Variants in MARCHF1 observed in about 807,000 individuals in gnomAD.
MARCHF1 encodes the protein E3 ubiquitin-protein ligase MARCHF1.
In MARCHF1, 40 loss-of-function variants were observed where a neutral mutation model predicts 54.2. The ratio of observed to expected loss-of-function variants is 0.74; its 90% CI spans 0.57 to 0.96. The LOEUF (loss-of-function observed/expected upper bound fraction) is 0.96. MARCHF1 is among the 40% of genes least tolerant of loss of function. The pLI, the probability that MARCHF1 is intolerant of heterozygous loss-of-function variation, is 0.00. For synonymous variants in MARCHF1, 236 were observed against 236.3 expected (o/e 1.00, Z 0.01); for missense variants, 586 against 656.5 (o/e 0.89, Z 1.17).
chr4:164,379,250 T>G (rs998869049), intron 1 of MARCHF1, among the ~76,000 whole-genome samples: 5 of 152,066 alleles, frequency 3.3e-5, no homozygotes, highest in African/African-American at 1.2e-4. Context: ...AACCTGTGGA[T>G]GAGCAGTATA....
chr4:163,808,661 T>G (rs1223751826), intron 4 of MARCHF1, among the ~76,000 whole-genome samples: 2 of 152,010 alleles, frequency 1.3e-5, no homozygotes, highest in East Asian at 3.9e-4. Context: ...CTCCACCTCC[T>G]GGGTTCAAGC....
chr4:163,794,932 C>T (rs2110951615), intron 4 of MARCHF1, among the ~76,000 whole-genome samples: 1 of 152,260 alleles, frequency 6.6e-6, no homozygotes, highest in South Asian at 2.1e-4. Context: ...ATTAAATCAG[C>T]ACTTGGAATC....
chr4:163,584,048 A>G (rs1740325205), intron 8 of MARCHF1: 1 of 151,124 alleles, frequency 6.6e-6, no homozygotes, highest in Admixed American at 6.6e-5. Context: ...AGATTTCCTA[A>G]GAGAGTTGTA....
intron 2 of MARCHF1, among the ~76,000 whole-genome samples, chr4:164,077,056 G>C (rs1184705661): frequency 6.6e-6 from 1 of 152,040 alleles, no homozygotes; most frequent in Non-Finnish European, 1.5e-5. Flanking sequence ...AACCAAAAAA[G>C]AGCCTGTATA....
At position 163,551,567 on chromosome 4, in the gene MARCHF1, C is replaced by A. The variant is rs115198844; in HGVS notation, c.1192-5824G>T. ...TAAAGTTCACTAGTTAAGGCACTCA[C>A]TGTTGGACACAAATCAGGAAGTGTA... On this transcript the variant is annotated intron_variant, in intron 8 of 9. Transcript: ENST00000514618. Among the ~76,000 whole-genome samples the A allele has an allele frequency of 6.5e-3, 991 of 152,358 alleles. 16 individuals are homozygous for A. Among genetic ancestry groups the A allele is most frequent in the African/African-American group, 0.022 (912 of 41,580 alleles).
At chr4:163,846,865 TATAATAAAAAC>T (rs1202842540) in intron 4 of MARCHF1, among the ~76,000 whole-genome samples, 1 of 152,122 alleles carries the variant, frequency 6.6e-6, no homozygotes, top group Admixed American at 6.6e-5. Flanking sequence ...GCTCAAGGAA[TATAATAAAAAC>T]TTAATAAAAT....
intron 4 of MARCHF1, among the ~76,000 whole-genome samples, chr4:163,767,435 G>A (rs1018004554): frequency 2.6e-5 from 4 of 151,464 alleles, no homozygotes; most frequent in Admixed American, 6.6e-5. Flanking sequence ...CTGGGTTCAC[G>A]CCATTCTCCT....
chr4:163,832,604 A>ATTATT (rs1491521260), intron 4 of MARCHF1, among the ~76,000 whole-genome samples: 7 of 63,960 alleles, frequency 1.1e-4, no homozygotes, highest in South Asian at 6.7e-4. Flanking sequence ...TTATTATTAT[A>ATTATT]ATACTTTAAG....
rs1388150015 is a variant in MARCHF1 at position 163,527,955 on chromosome 4, G to GCAT, written c.*790_*792dup. 1 of 152,452 alleles carries GCAT rather than the reference G, an allele frequency of 6.6e-6. No homozygotes were observed. Among genetic ancestry groups the GCAT allele is most frequent in the Non-Finnish European group, 1.5e-5 (1 of 67,960 alleles). The allele number at this position is 152,452 out of a possible 1,614,324, so 9.4% of individuals were successfully genotyped here. A position where few individuals can be genotyped will look rare whatever the true frequency, so the allele number is the denominator to read the frequency against. The stretch of plus-strand genomic sequence containing the variant: ...AGGGCTACTGGGAAGTTAAATATTT[G>GCAT]CATCTGTGGCCTGCATTTGTGGCTG... On this transcript the variant is annotated 3_prime_UTR_variant, in exon 10 of 10. Coordinates refer to ENST00000514618, the MANE Select transcript of MARCHF1 (RefSeq NM_001394959.1).
chr4:164,330,513 T>C (rs141205445), intron 1 of MARCHF1, among the ~76,000 whole-genome samples: 2 of 152,316 alleles, frequency 1.3e-5, no homozygotes, highest in East Asian at 1.9e-4. Context: ...CTTCAAACTG[T>C]GCAAGTTGCA....
At chr4:164,300,088 C>T (rs1443235046) in intron 1 of MARCHF1, among the ~76,000 whole-genome samples, 2 of 152,068 alleles carry the variant, frequency 1.3e-5, no homozygotes, top group African/African-American at 4.8e-5. Context: ...ACATCTAAAC[C>T]TTTTCTAGAA....
Position 164,058,307 on chromosome 4 carries a change from C to T in MARCHF1, c.-248+53281G>A, listed in dbSNP as rs112575113. ...GAAAATCTAATCAATCTCTTTGCAA[C>T]ATATCCTCTGAAAGCCAATGTCCAC... On this transcript the variant is annotated intron_variant, in intron 2 of 9. Coordinates refer to ENST00000514618, the MANE Select transcript of MARCHF1 (RefSeq NM_001394959.1). Among the ~76,000 whole-genome samples, 1,298 of 152,260 alleles carry T rather than the reference C, an allele frequency of 8.5e-3. 20 individuals carry two copies. The highest frequency in any genetic ancestry group is 0.051 in the East Asian group (265 of 5,180).
intron 5 of MARCHF1, among the ~76,000 whole-genome samples, chr4:163,631,482 G>A (rs141525462): frequency 2.1e-3 from 326 of 152,258 alleles, no homozygotes; most frequent in African/African-American, 7.3e-3. Context: ...TATGAGCCAT[G>A]GCGCCAGGCC....
chr4:163,639,605 T>C (rs1187273762), intron 5 of MARCHF1, among the ~76,000 whole-genome samples: 1 of 152,224 alleles, frequency 6.6e-6, no homozygotes, highest in Non-Finnish European at 1.5e-5. Flanking sequence ...GTTTTTGTTC[T>C]GTTCATTATA....
In MARCHF1 at chr4:163,739,977, T is replaced by C. The variant is rs74536730; in HGVS notation, c.112-39114A>G. On this transcript the variant is annotated intron_variant, in intron 4 of 9. Transcript: ENST00000514618. Reference sequence around the variant, plus strand: ...TGGTAAAAGAAATGATAAACTGTGGTCTATTTTTTTTCTTGTGGCAACCAC... The same window carrying C: ...TGGTAAAAGAAATGATAAACTGTGGCCTATTTTTTTTCTTGTGGCAACCAC... Among the ~76,000 whole-genome samples, 67 of 152,290 alleles carry C rather than the reference T, an allele frequency of 4.4e-4. No individual in the cohort carries two copies. In the East Asian group the frequency reaches 0.013, roughly 29 times the overall value.
intron 2 of MARCHF1, among the ~76,000 whole-genome samples, chr4:164,019,950 G>C (rs556255037): frequency 6.6e-6 from 1 of 152,056 alleles, no homozygotes; most frequent in South Asian, 2.1e-4. Context: ...ATGAGATTAC[G>C]GCAAAAACAG....
At chr4:164,088,648 G>C (rs150730404) in intron 2 of MARCHF1, among the ~76,000 whole-genome samples, 32 of 152,264 alleles carry the variant, frequency 2.1e-4, no homozygotes, top group African/African-American at 7.7e-4. Context: ...TGAGGTGGGA[G>C]AATCACCTGA....
chr4:163,844,995 T>C (rs1464353478), intron 4 of MARCHF1, among the ~76,000 whole-genome samples: 1 of 152,152 alleles, frequency 6.6e-6, no homozygotes, highest in African/African-American at 2.4e-5. Flanking sequence ...TGGGAAGATA[T>C]AGGACTCTGG....
chr4:164,176,960 C>A (rs1730683872), intron 1 of MARCHF1, among the ~76,000 whole-genome samples: 5 of 47,866 alleles, frequency 1.0e-4, no homozygotes, highest in Non-Finnish European at 1.9e-4. Context: ...CTCTCTCTCT[C>A]TCTCTCTCTC....
Sources: allele counts gnomAD v4.1 joint callset (sites outside exome capture counted in the v4.1 genomes callset), GRCh38; gene constraint gnomAD v4.1.1; transcripts MANE v1.5; gene names NCBI Gene and HGNC (gene_info 2026-07-23, HGNC 2026-07-21).